Variants in SNTG2 observed in about 807,000 individuals in gnomAD.
SNTG2 encodes syntrophin gamma 2.
SNTG2 carries 74 observed loss-of-function variants against 70.9 expected under a neutral mutation model. That is an observed-to-expected ratio of 1.04 (90% CI 0.86 to 1.27). The LOEUF (loss-of-function observed/expected upper bound fraction) is 1.27. Among genes scored for constraint, SNTG2 ranks in the 50% most tolerant of loss-of-function variants. SNTG2 has a pLI of 0.00. For missense variants in SNTG2, 717 were observed against 690.7 expected (o/e 1.04, Z -0.43); for synonymous variants, 278 against 273.8 (o/e 1.02, Z -0.15).
chr2:1,272,024 A>T (rs1313358086), intron 14 of SNTG2, among the ~76,000 whole-genome samples: 1 of 152,108 alleles, frequency 6.6e-6, no homozygotes, highest in African/African-American at 2.4e-5. Context: ...AACGGTCCCA[A>T]CCTTTATGGT....
At chr2:998,528 A>G (rs1170468067) in intron 1 of SNTG2, among the ~76,000 whole-genome samples, 3 of 151,976 alleles carry the variant, frequency 2.0e-5, no homozygotes, top group African/African-American at 7.2e-5. Context: ...TGAAGGCAGT[A>G]ACAATAGACT....
At chr2:951,807 G>C (rs553570819) in intron 1 of SNTG2, among the ~76,000 whole-genome samples, 4 of 152,260 alleles carry the variant, frequency 2.6e-5, no homozygotes, top group Non-Finnish European at 4.4e-5. Flanking sequence ...GGCCACCCCA[G>C]CCCTAGGAGG....
chr2:1,285,164 CTT>C lies in SNTG2; in HGVS notation c.1284+17596_1284+17597del, dbSNP rs1040537183. On this transcript the variant is annotated intron_variant, in intron 14 of 16. Transcript: ENST00000308624. ...GGCTGGGAGGCTAGGCCAATCTAGA[CTT>C]TTCATGTTTTTCTGCCTGGTTTATA... Among the ~76,000 whole-genome samples, 12 of 152,224 alleles carry C rather than the reference CTT, an allele frequency of 7.9e-5. No individual in the cohort carries two copies. In the South Asian group the frequency reaches 1.9e-3, roughly 24 times the overall value.
At chr2:1,061,675 A>G (rs1439009945) in intron 1 of SNTG2, among the ~76,000 whole-genome samples, 2 of 152,182 alleles carry the variant, frequency 1.3e-5, no homozygotes, top group Non-Finnish European at 2.9e-5. Flanking sequence ...GTCTCTGAGT[A>G]ACGAAGTCCT....
chr2:1,290,003 G>A (rs1393515887), intron 14 of SNTG2, among the ~76,000 whole-genome samples: 1 of 152,158 alleles, frequency 6.6e-6, no homozygotes, highest in Non-Finnish European at 1.5e-5. Context: ...CCATTGTATG[G>A]ATATAACATT....
At chr2:1,082,619 G>A (rs570243388) in intron 1 of SNTG2, among the ~76,000 whole-genome samples, 3 of 152,154 alleles carry the variant, frequency 2.0e-5, no homozygotes, top group African/African-American at 4.8e-5. Flanking sequence ...CCCCCGCCAC[G>A]TGGCATGAGG....
At chr2:1,218,605 G>A (rs1674552198) in intron 9 of SNTG2, among the ~76,000 whole-genome samples, 2 of 152,232 alleles carry the variant, frequency 1.3e-5, no homozygotes, top group South Asian at 2.1e-4. Context: ...TTAAGAACAA[G>A]AGAAATGTCT....
At chr2:1,313,897 C>A (rs546471284) in intron 15 of SNTG2, among the ~76,000 whole-genome samples, 59 of 152,194 alleles carry the variant, frequency 3.9e-4, no homozygotes, top group Non-Finnish European at 6.8e-4. Flanking sequence ...ATATGTATGC[C>A]TCATGAGGAA....
At chr2:1,048,930 C>T (rs1051872511) in intron 1 of SNTG2, among the ~76,000 whole-genome samples, 1 of 152,122 alleles carries the variant, frequency 6.6e-6, no homozygotes, top group Non-Finnish European at 1.5e-5. Flanking sequence ...AATCATGCTG[C>T]ACACCTTTCT....
rs372529293 is a variant in SNTG2, at chr2:1,222,490, G to A, written c.719+13260G>A. 5.5e-4 allele frequency among the ~76,000 whole-genome samples: 78 copies of A among 140,820 alleles called. 1 individual carries two copies. The highest frequency in any genetic ancestry group is 8.7e-4 in the Non-Finnish European group (56 of 64,416). The allele number at this position is 140,820 out of a possible 152,430, so 92.4% of individuals were successfully genotyped here. ...GTGCTGGATCGCTGTAGAGGAAAGT[G>A]GTGCAGTGATGGAGGGCGTCTCCCT... On this transcript the variant is annotated intron_variant, in intron 9 of 16. Coordinates refer to ENST00000308624, the MANE Select transcript of SNTG2 (RefSeq NM_018968.4).
intron 13 of SNTG2, among the ~76,000 whole-genome samples, chr2:1,262,420 C>T (rs1572884463): frequency 6.6e-6 from 1 of 152,320 alleles, no homozygotes; most frequent in Middle Eastern, 3.4e-3. Flanking sequence ...GCTCCCAGCT[C>T]CTTGAGAAAG....
At chr2:1,259,335 G>A (rs1224942107) in intron 12 of SNTG2, 35 bp from the exon 13 acceptor site, 1 of 1,608,814 alleles carries the variant, frequency 6.2e-7, no homozygotes, top group Admixed American at 1.7e-5. Flanking sequence ...AAAGTAGCAT[G>A]CTGCTTTTCA....
At chr2:1,075,375 A>C (rs548261255) in intron 1 of SNTG2, among the ~76,000 whole-genome samples, 1 of 152,184 alleles carries the variant, frequency 6.6e-6, no homozygotes, top group Non-Finnish European at 1.5e-5. Context: ...TTTTATGGGG[A>C]CTTCATTTTA....
chr2:1,290,505 G>C (rs1274771947), intron 14 of SNTG2, among the ~76,000 whole-genome samples: 2 of 152,064 alleles, frequency 1.3e-5, no homozygotes, highest in Non-Finnish European at 2.9e-5. Flanking sequence ...AGTAGAGACG[G>C]GGTTTTGCCA....
At chr2:1,069,440 A>G (rs1245795254) in intron 1 of SNTG2, among the ~76,000 whole-genome samples, 7 of 151,966 alleles carry the variant, frequency 4.6e-5, no homozygotes, top group African/African-American at 1.7e-4. Context: ...GGTCTAAAGC[A>G]ATGCACGTGG....
intron 16 of SNTG2, chr2:1,341,388 G>C (rs144976326): frequency 6.6e-5 from 10 of 152,380 alleles, no homozygotes; most frequent in African/African-American, 2.2e-4. Flanking sequence ...AGAGGGTCCA[G>C]ATGGCTGAGG....
At position 986,271 on chromosome 2, in the gene SNTG2, C is replaced by G. The variant is rs77243597; in HGVS notation, c.72+35203C>G. Among the ~76,000 whole-genome samples, 58 of 152,236 alleles carry G rather than the reference C, an allele frequency of 3.8e-4. No homozygotes were observed. The East Asian group carries it at 0.01, about 27-fold the overall frequency. ...AGAGTTGTGGCCCCTGGGGTGGCCT[C>G]CCAGACCTCCTTCTCACACGCTCTA... On this transcript the variant is annotated intron_variant, in intron 1 of 16. Transcript: ENST00000308624.
At chr2:1,252,687 G>T (rs184595667) in intron 12 of SNTG2, among the ~76,000 whole-genome samples, 60 of 152,242 alleles carry the variant, frequency 3.9e-4, no homozygotes, top group African/African-American at 1.4e-3. Context: ...TGAGTGTTTT[G>T]CAGAGGTCAT....
At chr2:1,123,576 A>C (rs1295777239) in intron 4 of SNTG2, among the ~76,000 whole-genome samples, 1 of 152,222 alleles carries the variant, frequency 6.6e-6, no homozygotes, top group Non-Finnish European at 1.5e-5. Context: ...TGAAAGTCTT[A>C]ACTGTAAGAT....
Sources: gnomAD v4.1 joint callset for allele counts (sites outside exome capture counted in the v4.1 genomes callset) on GRCh38, gnomAD v4.1.1 for gene constraint, MANE v1.5 for transcripts, NCBI Gene and HGNC (gene_info 2026-07-23, HGNC 2026-07-21) for gene names.